FAS: variants seen among roughly 807,000 people sequenced by gnomAD.
FAS encodes tumor necrosis factor receptor superfamily member 6.
FAS carries 5 observed loss-of-function variants against 33.2 expected under a neutral mutation model. That is an observed-to-expected ratio of 0.15 (90% CI 0.08 to 0.32). The LOEUF (loss-of-function observed/expected upper bound fraction) is 0.32, where lower values mean the gene tolerates loss of function less well. FAS is among the 10% of genes least tolerant of loss of function. The pLI is 1.00. For synonymous variants in FAS, 131 were observed against 130.7 expected, an observed-to-expected ratio of 1.00 and a Z score of -0.01; for missense variants, 339 against 386.0, an observed-to-expected ratio of 0.88 and a Z score of 1.02.
Position 89,014,585 on chromosome 10 carries a change from T to C in FAS, c.*135T>C, listed in dbSNP as rs1027802871. On this transcript the variant is annotated 3_prime_UTR_variant, in exon 9 of 9. Coordinates refer to ENST00000652046, the MANE Select transcript of FAS (RefSeq NM_000043.6). ...TTATTAGCGCTGAAGAGCCAACATA[T>C]TTGTAGATTTTTAATATCTCATGAT... 1.7e-5 allele frequency: 15 copies of C among 862,556 alleles called. No individual in the cohort carries two copies. In the African/African-American group the frequency reaches 2.5e-4, roughly 14 times the overall value. 53.4% of individuals were successfully genotyped at this position (862,556 alleles called of 1,614,324 possible).
chr10:89,010,467 A>C, intron 4 of FAS, 72 bp from the exon 5 acceptor site: 1 of 1,292,928 alleles, frequency 7.7e-7, no homozygotes, highest in Non-Finnish European at 1.1e-6. Flanking sequence ...CCTAATTTAC[A>C]AAGTGCCATT....
In FAS at chr10:89,015,952, G is replaced by A; in HGVS notation, c.*1502G>A. The A allele has an allele frequency of 3.7e-6, 1 of 270,362 alleles. No homozygotes were observed. The highest frequency in any genetic ancestry group is 4.8e-5 in the Admixed American group (1 of 20,688). 16.7% of individuals were successfully genotyped at this position (270,362 alleles called of 1,614,324 possible). The stretch of plus-strand genomic sequence containing the variant: ...AGTTAAATAATTATTTCCATAGGTT[G>A]CTATTGCCAAGAAGACCTCTTCCAA... On this transcript the variant is annotated 3_prime_UTR_variant, in exon 9 of 9. Transcript: ENST00000652046.
At chr10:88,991,137 G>GCTTTC in intron 1 of FAS, 1 of 618,648 alleles carries the variant, frequency 1.6e-6, no homozygotes, top group Non-Finnish European at 2.8e-6. Flanking sequence ...CTTGGGCCTT[G>GCTTTC]ATGCGAAGTG....
At chr10:88,980,275 T>C (rs1443058697) in intron 2 of FAS, among the ~76,000 whole-genome samples, 1 of 152,092 alleles carries the variant, frequency 6.6e-6, no homozygotes, top group African/African-American at 2.4e-5. Context: ...TTGAAGAGCA[T>C]CTGGGAAGAG....
upstream of FAS, among the ~76,000 whole-genome samples, chr10:88,988,869 A>G (rs1926197): frequency 0.55 from 83,565 of 152,036 alleles, 24,513 homozygotes; most frequent in African/African-American, 0.77. Flanking sequence ...AAGTTTTCAA[A>G]TTAAAGTAAC....
intron 1 of FAS, among the ~76,000 whole-genome samples, chr10:88,972,433 A>G (rs1371405301): frequency 6.6e-6 from 1 of 152,200 alleles, no homozygotes; most frequent in East Asian, 1.9e-4. Context: ...TAGTCTGTTA[A>G]TATTTAATGT....
Position 89,015,390 on chromosome 10 carries a change from A to C in FAS, c.*940A>C, listed in dbSNP as rs1002402657. 7.5e-6 allele frequency: 4 copies of C among 531,000 alleles called. No homozygotes were observed. Among genetic ancestry groups the C allele is most frequent in the Non-Finnish European group, 1.5e-5 (4 of 273,866 alleles). The allele number at this position is 531,000 out of a possible 1,614,324, so 32.9% of individuals were successfully genotyped here. On this transcript the variant is annotated 3_prime_UTR_variant, in exon 9 of 9. Transcript: ENST00000652046. ...ATGTCATGAACCCATGTTTGCAATC[A>C]AAGATGATAAAATAGATTCTTATTT...
intron 1 of FAS, among the ~76,000 whole-genome samples, chr10:88,993,503 T>C (rs7097572): frequency 0.57 from 87,115 of 151,980 alleles, 26,305 homozygotes; most frequent in African/African-American, 0.78. Flanking sequence ...CTTGCATTAT[T>C]TAGGACATTG....
At chr10:89,001,050 T>TAAAAC (rs543389059) in intron 1 of FAS, among the ~76,000 whole-genome samples, 227 of 152,312 alleles carry the variant, frequency 1.5e-3, no homozygotes, top group African/African-American at 5.0e-3. Flanking sequence ...AGACTCCGTC[T>TAAAAC]AAAACAAAAC....
Position 89,014,808 on chromosome 10 carries a change from C to T in FAS, c.*358C>T. ...TACAAATGTCTATCCACAGGCTAAC[C>T]CCACTCTATGAATCAATAGAAGAAG... On this transcript the variant is annotated 3_prime_UTR_variant, in exon 9 of 9. Transcript: ENST00000652046. 1 of 548,612 alleles carries T rather than the reference C, an allele frequency of 1.8e-6. No individual in the cohort carries two copies. Among genetic ancestry groups the T allele is most frequent in the Non-Finnish European group, 3.5e-6 (1 of 286,762 alleles). The allele number at this position is 548,612 out of a possible 1,614,324, so 34.0% of individuals were successfully genotyped here.
Position 89,015,116 on chromosome 10 carries a change from C to G in FAS, c.*666C>G. On this transcript the variant is annotated 3_prime_UTR_variant, in exon 9 of 9. Coordinates refer to ENST00000652046, the MANE Select transcript of FAS (RefSeq NM_000043.6). Reference sequence around the variant, plus strand: ...TGTTTGACTATTATATATGTGTATGCATTTTACTGGCTCAAAACTACCTAC... The same window carrying G: ...TGTTTGACTATTATATATGTGTATGGATTTTACTGGCTCAAAACTACCTAC... The G allele has an allele frequency of 1.9e-6, 1 of 534,740 alleles. No individual in the cohort carries two copies. Among genetic ancestry groups the G allele is most frequent in the Non-Finnish European group, 3.6e-6 (1 of 276,636 alleles). 33.1% of individuals were successfully genotyped at this position (534,740 alleles called of 1,614,324 possible).
At chr10:88,975,531 G>T (rs559135142) in intron 2 of FAS, among the ~76,000 whole-genome samples, 11 of 152,270 alleles carry the variant, frequency 7.2e-5, no homozygotes, top group African/African-American at 2.6e-4. Flanking sequence ...GGTACAGGAA[G>T]GGGCATGGAG....
chr10:89,007,913 A>T, intron 3 of FAS, 76 bp downstream of exon 3: 1 of 1,599,070 alleles, frequency 6.3e-7, no homozygotes, highest in Non-Finnish European at 8.5e-7. Context: ...ACAATTTGAA[A>T]TTGGGGCCTA....
chr10:88,987,395 G>A (rs1428057160), upstream of FAS, among the ~76,000 whole-genome samples: 1 of 152,170 alleles, frequency 6.6e-6, no homozygotes, highest in Non-Finnish European at 1.5e-5. Flanking sequence ...AACTTTGGGT[G>A]GTCCAGGGTT....
At chr10:88,992,210 G>A (rs545464475) in intron 1 of FAS, among the ~76,000 whole-genome samples, 1 of 151,992 alleles carries the variant, frequency 6.6e-6, no homozygotes, top group Non-Finnish European at 1.5e-5. Flanking sequence ...TCCATTTTAT[G>A]ATTAGAAAAA....
intron 8 of FAS, 42 bp from the exon 9 acceptor site, chr10:89,014,077 C>A (rs1190938058): frequency 1.3e-6 from 2 of 1,591,006 alleles, no homozygotes; most frequent in Non-Finnish European, 8.6e-7. Context: ...ATGGGAATTT[C>A]ATTTAGAAAA....
chr10:88,974,343 T>C (rs1198403092), intron 2 of FAS: 1 of 152,170 alleles, frequency 6.6e-6, no homozygotes, highest in Non-Finnish European at 1.5e-5. Context: ...AATAGATGTC[T>C]AAAGATTTTG....
chr10:88,981,106 G>A (rs1229101062), intron 2 of FAS, among the ~76,000 whole-genome samples: 8 of 152,208 alleles, frequency 5.3e-5, no homozygotes, highest in African/African-American at 1.4e-4. Context: ...GGCAGGCCCA[G>A]CAATATCCAA....
chr10:89,000,514 A>G (rs1468886176), intron 1 of FAS, among the ~76,000 whole-genome samples: 1 of 152,258 alleles, frequency 6.6e-6, no homozygotes, highest in African/African-American at 2.4e-5. Context: ...AGTCTTATCA[A>G]CTAGAAATAA....
Sources: gnomAD v4.1 joint callset for allele counts (sites outside exome capture counted in the v4.1 genomes callset) on GRCh38, gnomAD v4.1.1 for gene constraint, MANE v1.5 for transcripts, NCBI Gene and HGNC (gene_info 2026-07-23, HGNC 2026-07-21) for gene names.